PARD3: variants seen among roughly 807,000 people sequenced by gnomAD.
The protein encoded by PARD3 is par-3 family cell polarity regulator.
PARD3 carries 75 observed loss-of-function variants against 155.4 expected under a neutral mutation model. The observed-to-expected ratio is 0.48, with a 90% CI of 0.40 to 0.58. The LOEUF is 0.58. Ranked by LOEUF, PARD3 falls within the 20% of genes least tolerant of loss-of-function variation. The probability of loss-of-function intolerance (pLI) is 0.00; values close to 1 mark genes in which losing one functional copy is unlikely to be tolerated. For synonymous variants in PARD3, 576 were observed against 610.5 expected, an observed-to-expected ratio of 0.94 and a Z score of 0.83; for missense variants, 1,642 against 1,721.7, an observed-to-expected ratio of 0.95 and a Z score of 0.82.
In PARD3 at chr10:34,214,418, C is replaced by T. The variant is rs114071202; in HGVS notation, c.3419+55239G>A. 7.7e-3 allele frequency among the ~76,000 whole-genome samples: 1,170 copies of T among 152,270 alleles called. 27 individuals are homozygous for T. The highest frequency in any genetic ancestry group is 0.027 in the African/African-American group (1,125 of 41,554). On this transcript the variant is annotated intron_variant, in intron 22 of 24. Coordinates refer to ENST00000374788, the MANE Select transcript of PARD3 (RefSeq NM_001184785.2). ...TGACAAGCTAAACTGACCACAAAGGCCCTTATGGTTTTGAGCAACATAAGC... is the reference window on the plus strand; with the variant it reads ...TGACAAGCTAAACTGACCACAAAGGTCCTTATGGTTTTGAGCAACATAAGC...
At chr10:34,807,540 C>T (rs1403828660) in intron 1 of PARD3, among the ~76,000 whole-genome samples, 1 of 152,092 alleles carries the variant, frequency 6.6e-6, no homozygotes, top group Admixed American at 6.5e-5. Flanking sequence ...CCAGTCCTAG[C>T]GGAACACCAC....
intron 22 of PARD3, among the ~76,000 whole-genome samples, chr10:34,261,817 G>GAAACAAAC (rs1444824489): frequency 1.0e-5 from 1 of 96,532 alleles, no homozygotes; most frequent in Non-Finnish European, 2.6e-5. Flanking sequence ...AAGAAAGAAA[G>GAAACAAAC]AAAGAAAGAA....
intron 22 of PARD3, among the ~76,000 whole-genome samples, chr10:34,196,192 CAG>C (rs1950924851): frequency 6.6e-6 from 1 of 152,218 alleles, no homozygotes; most frequent in Non-Finnish European, 1.5e-5. Context: ...GTGACCCAGA[CAG>C]AGTTCTGTAT....
At chr10:34,598,695 G>A (rs2089505613) in intron 2 of PARD3, among the ~76,000 whole-genome samples, 1 of 152,144 alleles carries the variant, frequency 6.6e-6, no homozygotes, top group Non-Finnish European at 1.5e-5. Flanking sequence ...GAAAACTGGG[G>A]AAAACAAGGG....
chr10:34,706,708 C>T (rs571835717), intron 1 of PARD3, among the ~76,000 whole-genome samples: 7 of 152,174 alleles, frequency 4.6e-5, no homozygotes, highest in Non-Finnish European at 7.3e-5. Flanking sequence ...CTGCTGTGAG[C>T]CACGATTGTA....
chr10:34,359,206 C>G lies in PARD3; in HGVS notation c.2008G>C (p.Gly670Arg). The change falls in exon 14 of 25, where the codon GGC becomes CGC. Residue 670 changes from glycine (G) to arginine (R), a missense_variant. Gly to Arg is a moderately radical substitution (Grantham distance 125, BLOSUM62 -2). Coordinates refer to ENST00000374788, the MANE Select transcript of PARD3 (RefSeq NM_001184785.2). ...ETLRRSMSTE[G>R]NKRGMIQLIV... ...AGCTGGATCATTCCTCGTTTATTGC[C>G]TTCAGTAGACATAGACCTTCTTAGG... 1 of 1,613,870 alleles carries G rather than the reference C, an allele frequency of 6.2e-7. No homozygotes were observed.
intron 5 of PARD3, among the ~76,000 whole-genome samples, chr10:34,411,506 T>C (rs1845047620): frequency 6.6e-6 from 1 of 152,138 alleles, no homozygotes; most frequent in Non-Finnish European, 1.5e-5. Flanking sequence ...GAGTCCTGTC[T>C]GACTGCTGAG....
chr10:34,303,285 G>A (rs553846706), intron 20 of PARD3, among the ~76,000 whole-genome samples: 20 of 151,224 alleles, frequency 1.3e-4, no homozygotes, highest in South Asian at 1.0e-3. Flanking sequence ...CTATTGCTAC[G>A]GCCTAGAAAG....
chr10:34,645,758 C>T (rs1297708036), intron 2 of PARD3, among the ~76,000 whole-genome samples: 1 of 152,142 alleles, frequency 6.6e-6, no homozygotes, highest in East Asian at 1.9e-4. Flanking sequence ...AGAAACCAAG[C>T]GTTTTAAAAA....
intron 1 of PARD3, among the ~76,000 whole-genome samples, chr10:34,769,799 C>CAAAAAAAAAAA (rs372925164): frequency 4.5e-5 from 3 of 66,634 alleles, no homozygotes; most frequent in African/African-American, 1.8e-4. Flanking sequence ...AACAAAAAAA[C>CAAAAAAAAAAA]AAAACAAAAA....
At chr10:34,171,540 G>A (rs1158820901) in intron 22 of PARD3, among the ~76,000 whole-genome samples, 1 of 152,126 alleles carries the variant, frequency 6.6e-6, no homozygotes, top group Admixed American at 6.5e-5. Context: ...CAGGATCTGT[G>A]CGTCCACTGT....
At chr10:34,530,297 C>T (rs536617609) in intron 2 of PARD3, among the ~76,000 whole-genome samples, 4 of 151,928 alleles carry the variant, frequency 2.6e-5, no homozygotes, top group African/African-American at 7.3e-5. Context: ...TTCCACTGTT[C>T]GATTTAATTA....
At position 34,301,825 on chromosome 10, in the gene PARD3, T is replaced by TC. The variant is rs1164011466; in HGVS notation, c.3065+15281_3065+15282insG. Among the ~76,000 whole-genome samples, 3 of 144,866 alleles carry TC rather than the reference T, an allele frequency of 2.1e-5. No individual in the cohort carries two copies. In the East Asian group the frequency reaches 5.8e-4, roughly 28 times the overall value. On this transcript the variant is annotated intron_variant, in intron 20 of 24. Coordinates refer to ENST00000374788, the MANE Select transcript of PARD3 (RefSeq NM_001184785.2). Reference sequence around the variant, plus strand: ...TATTGTTCTTTCTCCTTTCTTTTTTTTTTTTTTTTTTTTAACATCAAATCA... The same window carrying TC: ...TATTGTTCTTTCTCCTTTCTTTTTTTCTTTTTTTTTTTTTAACATCAAATCA...
At chr10:34,141,603 C>G (rs1008064982) in intron 22 of PARD3, among the ~76,000 whole-genome samples, 5 of 152,174 alleles carry the variant, frequency 3.3e-5, no homozygotes, top group African/African-American at 9.7e-5. Context: ...CTCTGGGTAA[C>G]AGGACTATCA....
intron 2 of PARD3, among the ~76,000 whole-genome samples, chr10:34,648,973 G>T (rs1401418511): frequency 6.6e-6 from 1 of 152,060 alleles, no homozygotes; most frequent in African/African-American, 2.4e-5. Flanking sequence ...TTTAAATATG[G>T]CTGTGGAGCT....
intron 1 of PARD3, among the ~76,000 whole-genome samples, chr10:34,778,139 ACTCTAAATCAG>A (rs1429024911): frequency 1.3e-5 from 2 of 152,162 alleles, no homozygotes; most frequent in Admixed American, 6.5e-5. Flanking sequence ...CCTCTTGTAT[ACTCTAAATCAG>A]CTCTAAATCA....
chr10:34,288,741 G>A (rs1956525619), intron 20 of PARD3, among the ~76,000 whole-genome samples: 1 of 152,182 alleles, frequency 6.6e-6, no homozygotes, highest in Admixed American at 6.5e-5. Flanking sequence ...CACCTTCCAA[G>A]AAACAGCATA....
At chr10:34,356,418 C>T (rs1838884386) in intron 14 of PARD3, among the ~76,000 whole-genome samples, 1 of 152,066 alleles carries the variant, frequency 6.6e-6, no homozygotes, top group Admixed American at 6.6e-5. Context: ...ACAGCACTTC[C>T]ATGTATAAGA....
At chr10:34,117,352 G>A (rs1946735892) in intron 24 of PARD3, among the ~76,000 whole-genome samples, 1 of 152,210 alleles carries the variant, frequency 6.6e-6, no homozygotes, top group Non-Finnish European at 1.5e-5. Context: ...GTGTGGTCGT[G>A]CAGGGAGGGC....
Sources: allele counts gnomAD v4.1 joint callset (sites outside exome capture counted in the v4.1 genomes callset), GRCh38; gene constraint gnomAD v4.1.1; transcripts MANE v1.5; gene names NCBI Gene and HGNC (gene_info 2026-07-23, HGNC 2026-07-21).